IER3IP1: variants seen among roughly 807,000 people sequenced by gnomAD.
IER3IP1 encodes the protein immediate early response 3 interacting protein 1, also known as immediate early response 3-interacting protein 1.
Under a neutral mutation model 12.2 loss-of-function variants are expected in IER3IP1, and 16 were observed. The ratio of observed to expected loss-of-function variants is 1.31; its 90% confidence interval spans 0.89 to 1.99. The LOEUF (loss-of-function observed/expected upper bound fraction) is 1.99. Among genes scored for constraint, IER3IP1 ranks in the 30% most tolerant of loss-of-function variants. The pLI is 0.00. For missense variants in IER3IP1, 95 were observed against 95.8 expected, an observed-to-expected ratio of 0.99 and a Z score of 0.03; for synonymous variants, 42 against 40.0, an observed-to-expected ratio of 1.05 and a Z score of -0.19.
At position 47,157,491 on chromosome 18, in the gene IER3IP1, C is replaced by T. The variant is rs371854032; in HGVS notation, c.138G>A (p.Pro46=). The T allele has an allele frequency of 1.9e-5, 31 of 1,613,952 alleles. No homozygotes were observed. Among genetic ancestry groups the T allele is most frequent in the Admixed American group, 8.3e-5 (5 of 59,978 alleles). The change falls in exon 2 of 3, where the codon CCG becomes CCA. Residue 46 remains proline (P), a synonymous_variant. Coordinates refer to ENST00000256433, the MANE Select transcript of IER3IP1 (RefSeq NM_016097.5). ...DQGIGGFGEE[P]GIKSQLMNLI... Reference sequence around the variant, plus strand: ...GGTTCATTAGCTGTGATTTAATTCCCGGCTCTTCTCCAAATCCACCAATTC... The same window carrying T: ...GGTTCATTAGCTGTGATTTAATTCCTGGCTCTTCTCCAAATCCACCAATTC...
At chr18:47,162,392 A>G (rs2063982749) in intron 1 of IER3IP1, among the ~76,000 whole-genome samples, 1 of 143,486 alleles carries the variant, frequency 7.0e-6, no homozygotes, top group Non-Finnish European at 1.5e-5. Context: ...CTTAATATGG[A>G]AAGACATATC....
chr18:47,162,546 C>CAGCT, intron 1 of IER3IP1, among the ~76,000 whole-genome samples: 1 of 152,216 alleles, frequency 6.6e-6, no homozygotes, highest in East Asian at 1.9e-4. Flanking sequence ...AGGGATCAAG[C>CAGCT]AGCTCTTGCT....
At chr18:47,166,102 C>T (rs2063995161) in intron 1 of IER3IP1, among the ~76,000 whole-genome samples, 1 of 151,984 alleles carries the variant, frequency 6.6e-6, no homozygotes, top group South Asian at 2.1e-4. Context: ...CATTATGTGG[C>T]ATTTTTTTTT....
intron 1 of IER3IP1, among the ~76,000 whole-genome samples, chr18:47,171,827 G>A (rs573948002): frequency 4.6e-5 from 7 of 151,944 alleles, no homozygotes; most frequent in Non-Finnish European, 1.0e-4. Flanking sequence ...GGGTCTCACT[G>A]TGTCGCCCAG....
At chr18:47,164,457 A>G (rs890841597) in intron 1 of IER3IP1, among the ~76,000 whole-genome samples, 1 of 151,578 alleles carries the variant, frequency 6.6e-6, no homozygotes, top group African/African-American at 2.4e-5. Context: ...TTTCTCAGGA[A>G]CCTAGCCAAA....
At position 47,153,161 on chromosome 18, in the gene IER3IP1, A is replaced by C. The variant is rs1042601523; in HGVS notation, c.*3016T>G. 6.6e-6 allele frequency: 1 copy of C among 152,172 alleles called. No homozygotes were observed. Among genetic ancestry groups the C allele is most frequent in the Non-Finnish European group, 1.5e-5 (1 of 68,040 alleles). The allele number at this position is 152,172 out of a possible 1,614,324, so 9.4% of individuals were successfully genotyped here. A position where few individuals can be genotyped will look rare whatever the true frequency, so the allele number is the denominator to read the frequency against. ...AACACATATAGAACACAGATTGCCTACTCTTATTGTATCTAAAGCAAGGAT... is the reference window on the plus strand; with the variant it reads ...AACACATATAGAACACAGATTGCCTCCTCTTATTGTATCTAAAGCAAGGAT... On this transcript the variant is annotated 3_prime_UTR_variant, in exon 3 of 3. Coordinates refer to ENST00000256433, the MANE Select transcript of IER3IP1 (RefSeq NM_016097.5).
intron 1 of IER3IP1, among the ~76,000 whole-genome samples, chr18:47,170,106 T>C (rs765649175): frequency 2.2e-4 from 34 of 152,156 alleles, no homozygotes; most frequent in Non-Finnish European, 4.6e-4. Context: ...TTTTTGAAGA[T>C]GGTGTGAGGT....
rs2063948882 is a variant in IER3IP1 at position 47,153,709 on chromosome 18, A to C, written c.*2468T>G. 6.6e-6 allele frequency: 1 copy of C among 152,098 alleles called. No individual in the cohort carries two copies. Among genetic ancestry groups the C allele is most frequent in the South Asian group, 2.1e-4 (1 of 4,824 alleles). 9.4% of individuals were successfully genotyped at this position (152,098 alleles called of 1,614,324 possible). A position where few individuals can be genotyped will look rare whatever the true frequency, so the allele number is the denominator to read the frequency against. On this transcript the variant is annotated 3_prime_UTR_variant, in exon 3 of 3. Transcript: ENST00000256433. ...GGCTTCCAGCTCCATCCATGTTCCCACAGAAGGTATTATCTAATTCTTTTT... is the reference window on the plus strand; with the variant it reads ...GGCTTCCAGCTCCATCCATGTTCCCCCAGAAGGTATTATCTAATTCTTTTT...
intron 1 of IER3IP1, 138 bp from the exon 2 acceptor site, chr18:47,157,675 A>G (rs747871934): frequency 5.4e-6 from 4 of 744,526 alleles, no homozygotes; most frequent in Non-Finnish European, 9.4e-6. Context: ...AGTTAAAACA[A>G]TAATGAGTTA....
chr18:47,161,482 G>C (rs2063979858), intron 1 of IER3IP1, among the ~76,000 whole-genome samples: 1 of 152,124 alleles, frequency 6.6e-6, no homozygotes, highest in Admixed American at 6.5e-5. Flanking sequence ...TTGTAATCTT[G>C]ATGTCTCAAC....
rs751967626 is a variant in IER3IP1 at position 47,157,472 on chromosome 18, T to C, written c.157A>G (p.Met53Val). The C allele has an allele frequency of 6.2e-7, 1 of 1,614,106 alleles. No homozygotes were observed. The change falls in exon 2 of 3, where the codon ATG becomes GTG. Residue 53 changes from methionine to valine, a missense_variant. Coordinates refer to ENST00000256433, the MANE Select transcript of IER3IP1 (RefSeq NM_016097.5). ...GEEPGIKSQLMNLIRSVRTVM... is the reference protein window; with the variant it reads ...GEEPGIKSQLVNLIRSVRTVM... ...GTTCTTACAGATCGAATAAGGTTCA[T>C]TAGCTGTGATTTAATTCCCGGCTCT...
rs2063954523 is a variant in IER3IP1, at chr18:47,155,303, G to C, written c.*874C>G. ...TAAGAATCACACTCCACAATGTGCT[G>C]CTCCACCAAGAAATAGAAATGTAAT... is the stretch of plus-strand genomic sequence containing the variant. On this transcript the variant is annotated 3_prime_UTR_variant, in exon 3 of 3. Coordinates refer to ENST00000256433, the MANE Select transcript of IER3IP1 (RefSeq NM_016097.5). 1 of 152,086 alleles carries C rather than the reference G, an allele frequency of 6.6e-6. No homozygotes were observed. The highest frequency in any genetic ancestry group is 6.5e-5 in the Admixed American group (1 of 15,278). 9.4% of individuals were successfully genotyped at this position (152,086 alleles called of 1,614,324 possible). A position where few individuals can be genotyped will look rare whatever the true frequency, so the allele number is the denominator to read the frequency against.
intron 1 of IER3IP1, among the ~76,000 whole-genome samples, chr18:47,164,431 G>A (rs1443910229): frequency 6.6e-6 from 1 of 151,816 alleles, no homozygotes; most frequent in Admixed American, 6.6e-5. Flanking sequence ...CTGCTATATA[G>A]GGAGTCTCAG....
intron 1 of IER3IP1, among the ~76,000 whole-genome samples, chr18:47,173,789 G>A (rs1458028273): frequency 1.3e-5 from 2 of 152,184 alleles, no homozygotes; most frequent in African/African-American, 4.8e-5. Context: ...CTTCTGGGGG[G>A]CTCTGAGGGA....
At chr18:47,171,687 T>C (rs988089653) in intron 1 of IER3IP1, among the ~76,000 whole-genome samples, 1 of 152,232 alleles carries the variant, frequency 6.6e-6, no homozygotes, top group Non-Finnish European at 1.5e-5. Flanking sequence ...TAATCTTTAT[T>C]ACTTCCTTCC....
intron 1 of IER3IP1, among the ~76,000 whole-genome samples, chr18:47,164,045 A>G (rs2063988142): frequency 6.6e-6 from 1 of 152,142 alleles, no homozygotes; most frequent in South Asian, 2.1e-4. Context: ...ATTGGAAACC[A>G]TACTTCCCAG....
At position 47,154,700 on chromosome 18, in the gene IER3IP1, C is replaced by G. The variant is rs1253769175; in HGVS notation, c.*1477G>C. The G allele has an allele frequency of 2.6e-5, 4 of 151,358 alleles. No individual in the cohort carries two copies. The East Asian group carries it at 7.7e-4, about 29-fold the overall frequency. The allele number at this position is 151,358 out of a possible 1,614,324, so 9.4% of individuals were successfully genotyped here. ...TAGTCATTCACATGAGCCAAGTAAT[C>G]AACTAAGAATCCTTGGTACTTTCCT... is the stretch of plus-strand genomic sequence containing the variant. On this transcript the variant is annotated 3_prime_UTR_variant, in exon 3 of 3. Coordinates refer to ENST00000256433, the MANE Select transcript of IER3IP1 (RefSeq NM_016097.5).
chr18:47,165,741 C>T (rs1050657235), intron 1 of IER3IP1, among the ~76,000 whole-genome samples: 1 of 151,916 alleles, frequency 6.6e-6, no homozygotes, highest in Non-Finnish European at 1.5e-5. Flanking sequence ...ATTAATAAAC[C>T]CTAAATCAAG....
At chr18:47,164,446 T>C (rs1431716880) in intron 1 of IER3IP1, among the ~76,000 whole-genome samples, 2 of 152,000 alleles carry the variant, frequency 1.3e-5, no homozygotes, top group Non-Finnish European at 2.9e-5. Flanking sequence ...TCTCAGTTGT[T>C]TTTCTCAGGA....
Sources: allele counts gnomAD v4.1 joint callset (sites outside exome capture counted in the v4.1 genomes callset), GRCh38; gene constraint gnomAD v4.1.1; transcripts MANE v1.5; gene names NCBI Gene and HGNC (gene_info 2026-07-23, HGNC 2026-07-21).